LUZP1: variants seen among roughly 807,000 people sequenced by gnomAD.
LUZP1 encodes the protein filamin mechanobinding actin cross-linking protein.
A neutral mutation model predicts 71.3 loss-of-function variants in LUZP1; 25 were observed. The observed-to-expected ratio is 0.35, with a 90% CI of 0.26 to 0.49. LUZP1 has a LOEUF of 0.49. Among genes scored for constraint, LUZP1 ranks in the 20% least tolerant of loss-of-function variants. The pLI, the probability that LUZP1 is intolerant of heterozygous loss-of-function variation, is 0.99. For synonymous variants in LUZP1, 481 were observed against 506.4 expected (o/e 0.95, Z 0.67); for missense variants, 1,142 against 1,300.8 (o/e 0.88, Z 1.88).
intron 2 of LUZP1, among the ~76,000 whole-genome samples, chr1:23,125,544 A>C (rs570591585): frequency 2.0e-5 from 3 of 152,222 alleles, no homozygotes; most frequent in Non-Finnish European, 4.4e-5. Flanking sequence ...CACGGAAAAA[A>C]GTGTTGAGTG....
intron 2 of LUZP1, among the ~76,000 whole-genome samples, chr1:23,151,683 T>A (rs955231957): frequency 5.9e-5 from 9 of 152,106 alleles, no homozygotes; most frequent in Non-Finnish European, 1.2e-4. Context: ...GTAAGTCAAG[T>A]ACCTACTACA....
chr1:23,104,231 G>T (rs951021101), intron 3 of LUZP1, among the ~76,000 whole-genome samples: 3 of 150,980 alleles, frequency 2.0e-5, no homozygotes, highest in Non-Finnish European at 4.4e-5. Flanking sequence ...CCAGGTTGGA[G>T]TGAAGAGGCA....
intron 3 of LUZP1, among the ~76,000 whole-genome samples, chr1:23,099,712 G>C (rs1643916623): frequency 6.6e-6 from 1 of 152,160 alleles, no homozygotes; most frequent in Non-Finnish European, 1.5e-5. Flanking sequence ...TGGATGATAT[G>C]AATCAACTAG....
chr1:23,091,916 T>A, exon 4 of LUZP1: 1 of 1,614,074 alleles, frequency 6.2e-7, no homozygotes, highest in Non-Finnish European at 8.5e-7. Context: ...TGGAGACGGG[T>A]TTCTGTTTCT....
exon 5 of LUZP1, chr1:23,088,781 T>C (rs547327278): frequency 7.0e-7 from 1 of 1,437,098 alleles, no homozygotes; most frequent in Non-Finnish European, 9.4e-7. Flanking sequence ...ACCACAGTTT[T>C]CCAGCCAAGG....
chr1:23,084,392 A>G (rs1643726084), exon 5 of LUZP1: 2 of 151,834 alleles, frequency 1.3e-5, no homozygotes, highest in African/African-American at 4.8e-5. Flanking sequence ...TGCTTCCATC[A>G]TCACATTGCC....
At chr1:23,128,672 T>A (rs979567820) in intron 2 of LUZP1, among the ~76,000 whole-genome samples, 4 of 152,244 alleles carry the variant, frequency 2.6e-5, no homozygotes, top group Non-Finnish European at 4.4e-5. Flanking sequence ...AAGTGCTATG[T>A]CTCCAATTGG....
At chr1:23,159,192 T>A (rs902374425) in intron 2 of LUZP1, among the ~76,000 whole-genome samples, 2 of 151,486 alleles carry the variant, frequency 1.3e-5, no homozygotes, top group Non-Finnish European at 2.9e-5. Context: ...TACAAAAAAA[T>A]TAGCCAGGCG....
At chr1:23,099,324 A>T (rs1334891490) in intron 3 of LUZP1, among the ~76,000 whole-genome samples, 1 of 152,242 alleles carries the variant, frequency 6.6e-6, no homozygotes, top group Non-Finnish European at 1.5e-5. Flanking sequence ...CTGTGTTGCC[A>T]TCGTAGTCAT....
At chr1:23,149,688 A>G (rs549719760) in intron 2 of LUZP1, among the ~76,000 whole-genome samples, 3 of 152,220 alleles carry the variant, frequency 2.0e-5, no homozygotes, top group East Asian at 1.9e-4. Flanking sequence ...GTTTAGAAGT[A>G]AAAGGGCCGG....
rs144862656 is a variant in LUZP1 at position 23,092,083 on chromosome 1, T to C, written c.2179A>G (p.Thr727Ala). Reference sequence around the variant, plus strand: ...CCATTGGTATCTGGGAGCTCCATGGTATTGGTGGAGGCTCTGACAGATTTC... The same window carrying C: ...CCATTGGTATCTGGGAGCTCCATGGCATTGGTGGAGGCTCTGACAGATTTC... The change falls in exon 4 of 5, where the codon ACC (threonine) becomes GCC (alanine). Residue 727 changes from threonine (T) to alanine (A), a missense_variant. Coordinates refer to ENST00000302291, the Ensembl canonical transcript of LUZP1. 830 of 1,614,114 alleles carry C rather than the reference T, an allele frequency of 5.1e-4. 6 individuals are homozygous for C. In the African/African-American group the frequency reaches 9.3e-3, roughly 18 times the overall value.
Position 23,093,463 on chromosome 1 carries a change from C to CCTG in LUZP1, c.796_798dup (p.Gln266dup), listed in dbSNP as rs1643875298. 2 of 1,613,088 alleles carry CCTG rather than the reference C, an allele frequency of 1.2e-6. No individual in the cohort carries two copies. The highest frequency in any genetic ancestry group is 2.2e-5 in the South Asian group (2 of 90,744). ...GATTTGTTTCTTGTTTCATTCTCTA[C>CCTG]CTGCTTTAGGTAGTCCAGACCACCC... On this transcript the variant is annotated inframe_insertion, in exon 4 of 5. Coordinates refer to ENST00000302291, the Ensembl canonical transcript of LUZP1. This position sits in a 1 kb window ranked among gnomAD's most constrained non-coding sequence, Gnocchi z 4.2.
intron 2 of LUZP1, among the ~76,000 whole-genome samples, chr1:23,114,301 G>T (rs1236009492): frequency 6.6e-6 from 1 of 152,154 alleles, no homozygotes; most frequent in East Asian, 1.9e-4. Context: ...TATAATTGCT[G>T]AAGTAGCATT....
chr1:23,127,913 A>ACC (rs1644184903), intron 2 of LUZP1, among the ~76,000 whole-genome samples: 1 of 152,112 alleles, frequency 6.6e-6, no homozygotes, highest in African/African-American at 2.4e-5. Flanking sequence ...CAGGTGGACC[A>ACC]AGAGGTCAGG....
At chr1:23,153,842 G>C (rs1644401355) in intron 2 of LUZP1, among the ~76,000 whole-genome samples, 1 of 152,136 alleles carries the variant, frequency 6.6e-6, no homozygotes, top group Non-Finnish European at 1.5e-5. Context: ...GGAGGCTGAG[G>C]TAGGAGAATC....
intron 2 of LUZP1, among the ~76,000 whole-genome samples, chr1:23,123,798 G>A (rs888661175): frequency 2.0e-5 from 3 of 152,088 alleles, no homozygotes; most frequent in Non-Finnish European, 4.4e-5. Context: ...ACAGCACCAG[G>A]AAAATGCCAC....
At chr1:23,136,888 A>T (rs144422190) in intron 2 of LUZP1, among the ~76,000 whole-genome samples, 5 of 152,366 alleles carry the variant, frequency 3.3e-5, no homozygotes, top group African/African-American at 1.2e-4. Context: ...ACTGCACTCC[A>T]GCCTGGGCGA....
In LUZP1 at chr1:23,146,606, T is replaced by C. The variant is rs554591491; in HGVS notation, c.-226+22160A>G. The stretch of plus-strand genomic sequence containing the variant: ...TGAACCCAGGAGTTTGAGATCAGCC[T>C]GGGCAACATGGCAAAACCCCATCTC... On this transcript the variant is annotated intron_variant, in intron 2 of 4. Coordinates refer to ENST00000302291, the Ensembl canonical transcript of LUZP1. Among the ~76,000 whole-genome samples, 642 of 152,086 alleles carry C rather than the reference T, an allele frequency of 4.2e-3. 7 individuals are homozygous for C. Among genetic ancestry groups the C allele is most frequent in the African/African-American group, 0.015 (615 of 41,474 alleles).
intron 2 of LUZP1, among the ~76,000 whole-genome samples, chr1:23,158,647 C>CAAAAAAAAAA (rs56919514): frequency 1.7e-5 from 1 of 59,916 alleles, no homozygotes; most frequent in South Asian, 4.3e-4. Context: ...GACTCTGTCT[C>CAAAAAAAAAA]AAAAAAAAAA....
Sources: allele counts gnomAD v4.1 joint callset (sites outside exome capture counted in the v4.1 genomes callset), GRCh38; gene constraint gnomAD v4.1.1; non-coding constraint Gnocchi (gnomAD v3.1); transcripts MANE v1.5; gene names NCBI Gene and HGNC (gene_info 2026-07-23, HGNC 2026-07-21).